The following HIVEP3 variants were observed in gnomAD, a reference collection of about 807,000 sequenced individuals.
HIVEP3 encodes HIVEP zinc finger 3.
HIVEP3 carries 49 observed loss-of-function variants against 152.8 expected under a neutral mutation model. The ratio of observed to expected loss-of-function variants is 0.32; its 90% CI spans 0.26 to 0.41. The LOEUF is 0.41. Ranked by LOEUF, HIVEP3 falls within the 10% of genes least tolerant of loss-of-function variation. HIVEP3 has a pLI of 1.00. For missense variants in HIVEP3, 2,790 were observed against 3,103.3 expected (o/e 0.90, Z 2.40); for synonymous variants, 1,269 against 1,289.0 (o/e 0.98, Z 0.33).
Position 41,511,183 on chromosome 1 carries a change from G to T in HIVEP3, c.6489C>A (p.Asp2163Glu), listed in dbSNP as rs1469111738. Residue 2163 changes from aspartate (D) to glutamate (E), a missense_variant, in exon 9 of 9, where the codon GAC becomes GAA. Asp to Glu is a conservative substitution (Grantham distance 45). Coordinates refer to ENST00000372583, the MANE Select transcript of HIVEP3 (RefSeq NM_024503.5). The surrounding 1 kb of genome is among the most constrained non-coding windows in gnomAD (Gnocchi z 4.9). ...LSSRPFSALH[D>E]FHGHILARTE... Reference sequence around the variant, plus strand: ...TCCGGGCCAGGATGTGGCCGTGGAAGTCATGGAGGGCGGAGAAGGGTCGGG... The same window carrying T: ...TCCGGGCCAGGATGTGGCCGTGGAATTCATGGAGGGCGGAGAAGGGTCGGG... 2.5e-6 allele frequency: 4 copies of T among 1,614,082 alleles called. No homozygotes were observed. The highest frequency in any genetic ancestry group is 3.3e-5 in the Admixed American group (2 of 60,010).
intron 1 of HIVEP3, among the ~76,000 whole-genome samples, chr1:41,810,424 T>A (rs1363366726): frequency 6.6e-6 from 1 of 152,152 alleles, no homozygotes; most frequent in African/African-American, 2.4e-5. Context: ...CCAAGAAGAC[T>A]CCATCCAGAG....
chr1:41,611,665 C>T (rs1341078564), intron 3 of HIVEP3, among the ~76,000 whole-genome samples: 1 of 152,220 alleles, frequency 6.6e-6, no homozygotes, highest in Non-Finnish European at 1.5e-5. Context: ...AGCCTTTAAT[C>T]AAGGAAGCAA....
At chr1:41,599,057 T>C (rs1010560904) in intron 3 of HIVEP3, among the ~76,000 whole-genome samples, 4 of 152,124 alleles carry the variant, frequency 2.6e-5, no homozygotes, top group African/African-American at 9.7e-5. Context: ...GCTCAAGTGA[T>C]CCACCCACCT....
chr1:41,595,647 C>G, intron 3 of HIVEP3, among the ~76,000 whole-genome samples: 1 of 152,108 alleles, frequency 6.6e-6, no homozygotes, highest in East Asian at 1.9e-4. Context: ...AGGGTGTTGC[C>G]AAAGGAGATT....
intron 1 of HIVEP3, among the ~76,000 whole-genome samples, chr1:41,784,052 A>G (rs576056470): frequency 1.3e-5 from 2 of 152,316 alleles, no homozygotes; most frequent in African/African-American, 4.8e-5. Flanking sequence ...AAGGATGGGA[A>G]TTCTGGGTTT....
At chr1:41,761,165 C>T (rs982696310) in intron 1 of HIVEP3, among the ~76,000 whole-genome samples, 7 of 152,202 alleles carry the variant, frequency 4.6e-5, no homozygotes, top group African/African-American at 7.2e-5. Flanking sequence ...TAGGTGTATG[C>T]GCATGCATGT....
chr1:41,663,135 C>T (rs1645744857), intron 2 of HIVEP3, among the ~76,000 whole-genome samples: 1 of 152,240 alleles, frequency 6.6e-6, no homozygotes, highest in Admixed American at 6.5e-5. Context: ...CCAGCCAGGC[C>T]TCCACAGGTC....
intron 1 of HIVEP3, among the ~76,000 whole-genome samples, chr1:41,734,576 C>T (rs1274744541): frequency 6.6e-6 from 1 of 152,152 alleles, no homozygotes. Flanking sequence ...TTTAGAAAGG[C>T]CCTTTGGGCT....
intron 1 of HIVEP3, among the ~76,000 whole-genome samples, chr1:41,897,843 CCA>C (rs1207470843): frequency 6.6e-6 from 1 of 151,634 alleles, no homozygotes; most frequent in Admixed American, 6.6e-5. Flanking sequence ...TGGGTGAGAT[CCA>C]CACTCTTAGG....
At chr1:41,591,260 A>G (rs1644583474) in intron 3 of HIVEP3, among the ~76,000 whole-genome samples, 1 of 152,092 alleles carries the variant, frequency 6.6e-6, no homozygotes, top group Non-Finnish European at 1.5e-5. Context: ...AATGAGAACC[A>G]AGGTTGAATT....
intron 7 of HIVEP3, among the ~76,000 whole-genome samples, chr1:41,518,114 C>T (rs1642660182): frequency 6.6e-6 from 1 of 152,154 alleles, no homozygotes; most frequent in Non-Finnish European, 1.5e-5. Context: ...CACTGAGCAC[C>T]CATGGGTGCC....
At position 41,876,314 on chromosome 1, in the gene HIVEP3, G is replaced by C. The variant is rs530473950; in HGVS notation, c.-801+42099C>G. Among the ~76,000 whole-genome samples the C allele has an allele frequency of 4.6e-5, 7 of 152,194 alleles. 1 individual carries two copies. Among genetic ancestry groups the C allele is most frequent in the Non-Finnish European group, 1.0e-4 (7 of 68,036 alleles). ...AGAGATAGGTGAAGATAGTGACAGA[G>C]AAGAGACCGGCTTTGCAGTCAGACT... On this transcript the variant is annotated intron_variant, in intron 1 of 8. Transcript: ENST00000372583.
intron 1 of HIVEP3, among the ~76,000 whole-genome samples, chr1:41,888,760 C>A (rs1365503412): frequency 7.2e-5 from 9 of 124,562 alleles, no homozygotes; most frequent in African/African-American, 2.5e-4. Flanking sequence ...CCACATACCT[C>A]ACACATGCGC....
Position 41,859,933 on chromosome 1 carries a change from C to T in HIVEP3, c.-801+58480G>A, listed in dbSNP as rs143150272. Among the ~76,000 whole-genome samples the T allele has an allele frequency of 3.2e-3, 490 of 152,298 alleles. 1 individual carries two copies. The highest frequency in any genetic ancestry group is 0.011 in the African/African-American group (471 of 41,558). The stretch of plus-strand genomic sequence containing the variant: ...TACCGCTGGGAAGGGTTGAGCAGGG[C>T]CAGGTGGTTGCCCATCAGGGAACTG... On this transcript the variant is annotated intron_variant, in intron 1 of 8. Transcript: ENST00000372583.
chr1:41,518,327 G>A, intron 7 of HIVEP3, 75 bp downstream of exon 7: 3 of 1,261,588 alleles, frequency 2.4e-6, no homozygotes, highest in Non-Finnish European at 3.5e-6. Flanking sequence ...AGCAGGGAAG[G>A]CAAGCAGGAA....
chr1:41,676,052 TTTTC>T (rs1645949799), intron 2 of HIVEP3, among the ~76,000 whole-genome samples: 3 of 149,810 alleles, frequency 2.0e-5, no homozygotes, highest in South Asian at 4.2e-4. Context: ...GTTTCTTTTC[TTTTC>T]TTTCTTTTTT....
intron 1 of HIVEP3, among the ~76,000 whole-genome samples, chr1:41,852,188 C>T (rs956415534): frequency 6.6e-6 from 1 of 152,246 alleles, no homozygotes; most frequent in East Asian, 1.9e-4. Context: ...CACTCTCAGA[C>T]CCCAGGCTGC....
intron 1 of HIVEP3, among the ~76,000 whole-genome samples, chr1:41,906,141 C>T (rs1397486697): frequency 6.6e-6 from 1 of 152,130 alleles, no homozygotes; most frequent in African/African-American, 2.4e-5. Context: ...AACCCCGTCT[C>T]TACTAAAAAT....
chr1:41,614,661 A>C (rs1480695776), intron 3 of HIVEP3, among the ~76,000 whole-genome samples: 1 of 152,236 alleles, frequency 6.6e-6, no homozygotes, highest in Non-Finnish European at 1.5e-5. Context: ...CACAAATTTA[A>C]AATGAAAAAT....
Sources: gnomAD v4.1 joint callset for allele counts (sites outside exome capture counted in the v4.1 genomes callset) on GRCh38, gnomAD v4.1.1 for gene constraint, Gnocchi (gnomAD v3.1) non-coding constraint, MANE v1.5 for transcripts, NCBI Gene and HGNC (gene_info 2026-07-23, HGNC 2026-07-21) for gene names.